Variants in HIBCH observed in about 807,000 individuals in gnomAD.
The protein encoded by HIBCH is 3-hydroxyisobutyryl-CoA hydrolase, also known as 3-hydroxyisobutyryl-CoA hydrolase, mitochondrial.
Under a neutral mutation model 58.2 loss-of-function variants are expected in HIBCH, and 50 were observed. That is an observed-to-expected ratio of 0.86 (90% CI 0.68 to 1.09). HIBCH has a LOEUF of 1.09. Ranked by LOEUF, HIBCH falls within the 50% of genes least tolerant of loss-of-function variation. The probability of loss-of-function intolerance (pLI) is 0.00; values close to 1 mark genes in which losing one functional copy is unlikely to be tolerated. For missense variants in HIBCH, 450 were observed against 449.7 expected, an observed-to-expected ratio of 1.00 and a Z score of -0.01; for synonymous variants, 151 against 146.9, an observed-to-expected ratio of 1.03 and a Z score of -0.20.
At position 190,215,144 on chromosome 2, in the gene HIBCH, G is replaced by C. The variant is rs1966073; in HGVS notation, c.892-2069C>G. 2 of 151,644 alleles carry C rather than the reference G, an allele frequency of 1.3e-5. No homozygotes were observed. Among genetic ancestry groups the C allele is most frequent in the African/African-American group, 4.9e-5 (2 of 41,126 alleles). The allele number at this position is 151,644 out of a possible 1,614,324, so 9.4% of individuals were successfully genotyped here. On this transcript the variant is annotated intron_variant, in intron 11 of 13. Transcript: ENST00000359678. The surrounding 1 kb of genome is among the most constrained non-coding windows in gnomAD (Gnocchi z 4.4). Reference sequence around the variant, plus strand: ...AGAGATCCCCTCGGTTTAGCAGCTAGATCAATTTTTAGGACCCAATTTTTA... The same window carrying C: ...AGAGATCCCCTCGGTTTAGCAGCTACATCAATTTTTAGGACCCAATTTTTA...
intron 8 of HIBCH, among the ~76,000 whole-genome samples, chr2:190,250,085 C>T (rs1686719139): frequency 6.6e-6 from 1 of 152,176 alleles, no homozygotes. Flanking sequence ...AGACAATGCA[C>T]AACACTATAA....
At chr2:190,314,330 T>TAC (rs528815061) in intron 1 of HIBCH, among the ~76,000 whole-genome samples, 135 of 1,658 alleles carry the variant, frequency 0.081, 4 homozygotes, top group African/African-American at 0.13. Flanking sequence ...TGTATATATG[T>TAC]ATATATACAT....
At chr2:190,221,294 A>C (rs10209984) in intron 11 of HIBCH, among the ~76,000 whole-genome samples, 45,247 of 152,080 alleles carry the variant, frequency 0.3, 7,546 homozygotes, top group East Asian at 0.45. Context: ...CACCTTCTAG[A>C]TGACTGACCA....
intron 2 of HIBCH, among the ~76,000 whole-genome samples, chr2:190,298,530 G>A (rs1478730901): frequency 6.6e-6 from 1 of 151,814 alleles, no homozygotes; most frequent in Non-Finnish European, 1.5e-5. Context: ...CATGTTAGTT[G>A]GCCGTATACA....
rs776534676 is a variant in HIBCH, at chr2:190,294,535, A to G, written c.304+11T>C. On this transcript the variant is annotated intron_variant, in intron 4 of 13. Transcript: ENST00000359678. Reference sequence around the variant, plus strand: ...GGAAAGAGCACTCAGGTGAAAGGGAAAAGTCTTTACCTCTGATATCACCCC... The same window carrying G: ...GGAAAGAGCACTCAGGTGAAAGGGAGAAGTCTTTACCTCTGATATCACCCC... 31 of 1,591,808 alleles carry G rather than the reference A, an allele frequency of 1.9e-5. No homozygotes were observed. The highest frequency in any genetic ancestry group is 2.4e-5 in the Non-Finnish European group (28 of 1,160,684).
intron 6 of HIBCH, among the ~76,000 whole-genome samples, chr2:190,287,027 CGTGTGTGTGT>C (rs56811939): frequency 7.5e-4 from 107 of 142,220 alleles, no homozygotes; most frequent in African/African-American, 2.8e-3. Flanking sequence ...TAGCATATAA[CGTGTGTGTGT>C]GTGTGTGTGT....
chr2:190,302,681 G>C (rs1688297682), intron 2 of HIBCH, among the ~76,000 whole-genome samples: 1 of 152,168 alleles, frequency 6.6e-6, no homozygotes, highest in African/African-American at 2.4e-5. Flanking sequence ...GTGTGTCCAA[G>C]CTCTCATTCC....
intron 1 of HIBCH, chr2:190,190,111 G>T (rs1291660701): frequency 6.6e-6 from 1 of 152,190 alleles, no homozygotes; most frequent in Non-Finnish European, 1.5e-5. Flanking sequence ...GTAAACAGAT[G>T]TTAAAGGTAC....
intron 6 of HIBCH, among the ~76,000 whole-genome samples, chr2:190,264,475 C>G (rs1687176534): frequency 6.6e-6 from 1 of 152,186 alleles, no homozygotes; most frequent in African/African-American, 2.4e-5. Context: ...CTCCATCCCT[C>G]AAGTAGCTAC....
chr2:190,209,222 G>C lies in HIBCH; in HGVS notation c.1012-309C>G, dbSNP rs1254738981. Reference sequence around the variant, plus strand: ...CCAATTTCACCAGTCCTTTAATATGGTCACTTTCCTGTCAAAATGTCATCA... The same window carrying C: ...CCAATTTCACCAGTCCTTTAATATGCTCACTTTCCTGTCAAAATGTCATCA... On this transcript the variant is annotated intron_variant, in intron 12 of 13. Transcript: ENST00000359678. This position sits in a 1 kb window ranked among gnomAD's most constrained non-coding sequence, Gnocchi z 5.6. Among the ~76,000 whole-genome samples, 1 of 152,030 alleles carries C rather than the reference G, an allele frequency of 6.6e-6. No homozygotes were observed. The highest frequency in any genetic ancestry group is 1.5e-5 in the Non-Finnish European group (1 of 68,014).
intron 11 of HIBCH, among the ~76,000 whole-genome samples, chr2:190,233,577 T>C (rs1034907155): frequency 2.6e-5 from 4 of 152,210 alleles, no homozygotes; most frequent in Admixed American, 6.5e-5. Context: ...TCTCTTTCTT[T>C]TGTAAATTGC....
chr2:190,249,322 A>T (rs1473860464), intron 9 of HIBCH, among the ~76,000 whole-genome samples: 1 of 152,206 alleles, frequency 6.6e-6, no homozygotes, highest in South Asian at 2.1e-4. Context: ...AAGAGTTTGC[A>T]TCTCCACAAA....
chr2:190,194,260 A>G (rs903797091), intron 1 of HIBCH, among the ~76,000 whole-genome samples: 1 of 152,182 alleles, frequency 6.6e-6, no homozygotes, highest in Non-Finnish European at 1.5e-5. Flanking sequence ...AAGTTGGAGC[A>G]TAATGTTGTT....
At chr2:190,265,139 A>G (rs1687197619) in intron 6 of HIBCH, among the ~76,000 whole-genome samples, 2 of 151,142 alleles carry the variant, frequency 1.3e-5, no homozygotes, top group South Asian at 4.2e-4. Context: ...AAAAAAAAAA[A>G]AAAAAAAAAA....
At chr2:190,252,890 C>T (rs933489603) in intron 7 of HIBCH, among the ~76,000 whole-genome samples, 2 of 152,076 alleles carry the variant, frequency 1.3e-5, no homozygotes, top group South Asian at 4.1e-4. Flanking sequence ...CGGGTAACAA[C>T]TGAAAATAGC....
chr2:190,252,057 GA>G, intron 8 of HIBCH, 104 bp downstream of exon 8: 1 of 1,049,332 alleles, frequency 9.5e-7, no homozygotes, highest in Non-Finnish European at 1.5e-6. Context: ...TTCACACCAC[GA>G]TTTCACCAGA....
chr2:190,191,626 T>C (rs1689714900), intron 1 of HIBCH, among the ~76,000 whole-genome samples: 1 of 152,230 alleles, frequency 6.6e-6, no homozygotes, highest in African/African-American at 2.4e-5. Flanking sequence ...GCTCTGTATA[T>C]GCACCAGCAC....
intron 1 of HIBCH, among the ~76,000 whole-genome samples, chr2:190,198,588 C>G (rs1402128607): frequency 1.5e-5 from 2 of 131,872 alleles, no homozygotes; most frequent in Admixed American, 8.9e-5. Context: ...GCCGTGATTG[C>G]ATCCTTTACT....
chr2:190,293,246 G>A (rs1032300078), intron 4 of HIBCH, among the ~76,000 whole-genome samples: 7 of 151,936 alleles, frequency 4.6e-5, no homozygotes, highest in Non-Finnish European at 1.0e-4. Flanking sequence ...GAGATCAGGA[G>A]TTCAAGACCA....
Sources: allele counts gnomAD v4.1 joint callset (sites outside exome capture counted in the v4.1 genomes callset), GRCh38; gene constraint gnomAD v4.1.1; non-coding constraint Gnocchi (gnomAD v3.1); transcripts MANE v1.5; gene names NCBI Gene and HGNC (gene_info 2026-07-23, HGNC 2026-07-21).